The following DIP2C variants were observed in gnomAD, a reference collection of about 807,000 sequenced individuals.
DIP2C encodes the protein disco-interacting protein 2 homolog C.
Under a neutral mutation model 192.4 loss-of-function variants are expected in DIP2C, and 33 were observed. The ratio of observed to expected loss-of-function variants is 0.17; its 90% CI spans 0.13 to 0.23. The LOEUF (loss-of-function observed/expected upper bound fraction) is 0.23. DIP2C is among the 10% of genes least tolerant of loss of function. The pLI is 1.00. For missense variants in DIP2C, 1,537 were observed against 2,110.1 expected (o/e 0.73, Z 5.32); for synonymous variants, 979 against 864.1 (o/e 1.13, Z -2.33).
Position 651,179 on chromosome 10 carries a change from C to T in DIP2C, c.85+38315G>A, listed in dbSNP as rs988717234. 8.4e-6 allele frequency: 6 copies of T among 717,400 alleles called. No individual in the cohort carries two copies. In the African/African-American group the frequency reaches 8.7e-5, roughly 10 times the overall value. The allele number at this position is 717,400 out of a possible 1,614,324, so 44.4% of individuals were successfully genotyped here. On this transcript the variant is annotated intron_variant, in intron 1 of 36. Coordinates refer to ENST00000280886, the MANE Select transcript of DIP2C (RefSeq NM_014974.3). This position sits in a 1 kb window ranked among gnomAD's most constrained non-coding sequence, Gnocchi z 4.1. ...ACCTCCACCTGCCCAGGTCTGGGACCACCGTCCTCCACGCATATCTACAGA... is the reference window on the plus strand; with the variant it reads ...ACCTCCACCTGCCCAGGTCTGGGACTACCGTCCTCCACGCATATCTACAGA...
At chr10:285,823 C>T (rs3131996) in intron 34 of DIP2C, among the ~76,000 whole-genome samples, 149,142 of 152,346 alleles carry the variant, frequency 0.98, 73,085 homozygotes, top group East Asian at 1. Flanking sequence ...TCAAGTTCCA[C>T]TGTTTGCTTT....
intron 1 of DIP2C, among the ~76,000 whole-genome samples, chr10:543,997 GCA>G (rs1848143201): frequency 1.3e-5 from 2 of 152,394 alleles, no homozygotes; most frequent in Non-Finnish European, 1.5e-5. Context: ...TCGTGAGTGG[GCA>G]CATAGTGCGT....
intron 18 of DIP2C, among the ~76,000 whole-genome samples, chr10:367,363 A>G (rs373432057): frequency 2.6e-3 from 396 of 150,888 alleles, no homozygotes; most frequent in Admixed American, 3.4e-3. Flanking sequence ...CCTGCGGTGA[A>G]CCGAGATCGC....
chr10:611,558 CCCA>C (rs1369870507), intron 1 of DIP2C, among the ~76,000 whole-genome samples: 1 of 152,142 alleles, frequency 6.6e-6, no homozygotes, highest in African/African-American at 2.4e-5. Flanking sequence ...TCAGAGAAAC[CCCA>C]CCTCTGAAAC....
intron 1 of DIP2C, among the ~76,000 whole-genome samples, chr10:520,429 T>C (rs773687906): frequency 7.2e-5 from 11 of 152,238 alleles, no homozygotes; most frequent in Non-Finnish European, 1.5e-4. Context: ...TTTAAAGTAA[T>C]TTCTGCATAC....
chr10:297,000 C>T (rs1048327451), intron 32 of DIP2C, among the ~76,000 whole-genome samples: 82 of 151,806 alleles, frequency 5.4e-4, no homozygotes, highest in African/African-American at 1.9e-3. Context: ...AACAAACCTG[C>T]ACGTTGTGCA....
chr10:311,045 A>T (rs1324336077), intron 31 of DIP2C, among the ~76,000 whole-genome samples: 5 of 152,092 alleles, frequency 3.3e-5, no homozygotes. Context: ...AGACAATGTC[A>T]TGAAAACATA....
At chr10:330,290 CGAT>C (rs1259884962) in intron 29 of DIP2C, among the ~76,000 whole-genome samples, 2 of 152,098 alleles carry the variant, frequency 1.3e-5, no homozygotes, top group Non-Finnish European at 2.9e-5. Flanking sequence ...AGAAAAATAA[CGAT>C]TCTTTAATTT....
chr10:614,345 C>A (rs1440022952), intron 1 of DIP2C, among the ~76,000 whole-genome samples: 1 of 152,212 alleles, frequency 6.6e-6, no homozygotes, highest in African/African-American at 2.4e-5. Context: ...CAGAGTCACC[C>A]CAGCCCCCGC....
At chr10:410,439 C>T (rs760573401) in intron 8 of DIP2C, among the ~76,000 whole-genome samples, 8 of 152,160 alleles carry the variant, frequency 5.3e-5, no homozygotes, top group African/African-American at 7.2e-5. Flanking sequence ...GTCTTCAAGA[C>T]GGGCAGCTTT....
intron 9 of DIP2C, 37 bp downstream of exon 9, chr10:408,889 T>C: frequency 6.2e-7 from 1 of 1,603,968 alleles, no homozygotes; most frequent in Non-Finnish European, 8.5e-7. Flanking sequence ...ACAGGACTCT[T>C]GTGTTTTGTA....
At chr10:280,883 T>C (rs1176230214) in intron 36 of DIP2C, among the ~76,000 whole-genome samples, 4 of 152,214 alleles carry the variant, frequency 2.6e-5, no homozygotes, top group African/African-American at 9.6e-5. Context: ...TACATATGTG[T>C]GAGGTTTGTT....
intron 1 of DIP2C, among the ~76,000 whole-genome samples, chr10:536,224 G>A (rs1295767117): frequency 1.3e-5 from 2 of 152,208 alleles, no homozygotes; most frequent in Non-Finnish European, 1.5e-5. Context: ...CTCTGCCTCT[G>A]CCTTCACACA....
At chr10:659,659 G>C (rs773976613) in intron 1 of DIP2C, among the ~76,000 whole-genome samples, 9 of 152,200 alleles carry the variant, frequency 5.9e-5, no homozygotes, top group Non-Finnish European at 1.3e-4. Flanking sequence ...ATTATAGTCA[G>C]AGTCAGCAAA....
intron 1 of DIP2C, among the ~76,000 whole-genome samples, chr10:535,364 G>A (rs149738779): frequency 1.4e-3 from 215 of 151,758 alleles, no homozygotes; most frequent in African/African-American, 4.5e-3. Context: ...GACATGCTCC[G>A]GCCAAAGCCA....
At chr10:400,356 G>C (rs1000048212) in intron 9 of DIP2C, among the ~76,000 whole-genome samples, 3 of 152,206 alleles carry the variant, frequency 2.0e-5, no homozygotes, top group African/African-American at 7.2e-5. Flanking sequence ...TAACAGTATG[G>C]TGTATCTTGA....
At chr10:443,166 A>C (rs1207269662) in intron 3 of DIP2C, among the ~76,000 whole-genome samples, 3 of 152,194 alleles carry the variant, frequency 2.0e-5, no homozygotes, top group Admixed American at 6.5e-5. Flanking sequence ...AAGATTTGGG[A>C]GGAGAGACTG....
chr10:621,850 G>A (rs1046217554), intron 1 of DIP2C, among the ~76,000 whole-genome samples: 1 of 152,186 alleles, frequency 6.6e-6, no homozygotes, highest in Non-Finnish European at 1.5e-5. Context: ...ATGGCTTCCG[G>A]AGAGGATGTC....
chr10:290,775 A>G (rs1449373313), intron 32 of DIP2C, among the ~76,000 whole-genome samples: 1 of 152,236 alleles, frequency 6.6e-6, no homozygotes, highest in Admixed American at 6.5e-5. Flanking sequence ...GTGACCAGCC[A>G]AGGAGTGAAA....
Sources: gnomAD v4.1 joint callset for allele counts (sites outside exome capture counted in the v4.1 genomes callset) on GRCh38, gnomAD v4.1.1 for gene constraint, Gnocchi (gnomAD v3.1) non-coding constraint, MANE v1.5 for transcripts, NCBI Gene and HGNC (gene_info 2026-07-23, HGNC 2026-07-21) for gene names.